HPSE2: variants seen among roughly 807,000 people sequenced by gnomAD.
HPSE2 encodes inactive heparanase-2.
Under a neutral mutation model 60.5 loss-of-function variants are expected in HPSE2, and 38 were observed. The observed-to-expected ratio is 0.63, with a 90% CI of 0.48 to 0.82. The LOEUF (loss-of-function observed/expected upper bound fraction) is 0.82. HPSE2 is among the 40% of genes least tolerant of loss of function. HPSE2 has a pLI of 0.00. For missense variants in HPSE2, 713 were observed against 740.4 expected, an observed-to-expected ratio of 0.96 and a Z score of 0.43; for synonymous variants, 295 against 293.2, an observed-to-expected ratio of 1.01 and a Z score of -0.06.
At chr10:98,698,049 T>C (rs575074712) in intron 5 of HPSE2, among the ~76,000 whole-genome samples, 1 of 147,244 alleles carries the variant, frequency 6.8e-6, no homozygotes, top group Non-Finnish European at 1.5e-5. Flanking sequence ...TGGGAGACTT[T>C]AACACCCCAC....
intron 3 of HPSE2, among the ~76,000 whole-genome samples, chr10:99,050,733 A>T (rs1957971957): frequency 6.6e-6 from 1 of 152,186 alleles, no homozygotes; most frequent in Non-Finnish European, 1.5e-5. Flanking sequence ...CCTGGAGGTC[A>T]TTAGTATAAA....
intron 6 of HPSE2, among the ~76,000 whole-genome samples, chr10:98,646,923 C>A (rs1339673137): frequency 6.6e-6 from 1 of 152,184 alleles, no homozygotes; most frequent in African/African-American, 2.4e-5. Flanking sequence ...GCTGCATACT[C>A]TTCCAGTTTT....
At chr10:98,679,087 G>A (rs749437613) in intron 6 of HPSE2, among the ~76,000 whole-genome samples, 1 of 152,158 alleles carries the variant, frequency 6.6e-6, no homozygotes, top group Non-Finnish European at 1.5e-5. Flanking sequence ...TATACCTGTG[G>A]TGAGGGAAGT....
At chr10:98,540,875 G>A (rs1428307716) in intron 9 of HPSE2, among the ~76,000 whole-genome samples, 4 of 152,136 alleles carry the variant, frequency 2.6e-5, no homozygotes, top group Non-Finnish European at 5.9e-5. Context: ...GAAATATGAG[G>A]ATAATTAAAT....
intron 3 of HPSE2, among the ~76,000 whole-genome samples, chr10:98,761,374 T>C (rs1023806516): frequency 3.3e-5 from 5 of 152,304 alleles, no homozygotes; most frequent in African/African-American, 1.2e-4. Flanking sequence ...TCTTAATCTC[T>C]ATTTCATTTA....
At chr10:98,983,970 T>G (rs56388618) in intron 3 of HPSE2, among the ~76,000 whole-genome samples, 23,228 of 152,068 alleles carry the variant, frequency 0.15, 2,671 homozygotes, top group African/African-American at 0.31. Context: ...TGCCCAGGCT[T>G]GAGTAGGTAA....
At chr10:99,249,199 A>G in the HPSE2 span, among the ~76,000 whole-genome samples, 1 of 152,212 alleles carries the variant, frequency 6.6e-6, no homozygotes, top group African/African-American at 2.4e-5. Flanking sequence ...CAGCTTGTAC[A>G]GTGTGCCTGG....
chr10:98,531,052 T>A (rs1943116121), intron 9 of HPSE2, among the ~76,000 whole-genome samples: 1 of 152,168 alleles, frequency 6.6e-6, no homozygotes, highest in Non-Finnish European at 1.5e-5. Context: ...GGCACTATAC[T>A]ATGGAAGTTA....
At chr10:98,935,390 T>C (rs1954759312) in intron 3 of HPSE2, among the ~76,000 whole-genome samples, 1 of 143,786 alleles carries the variant, frequency 7.0e-6, no homozygotes, top group South Asian at 2.1e-4. Context: ...TTTTCAGCAT[T>C]TTTGCATTGG....
intron 2 of HPSE2, among the ~76,000 whole-genome samples, chr10:99,146,853 T>C (rs927849065): frequency 6.6e-6 from 1 of 151,692 alleles, no homozygotes; most frequent in Non-Finnish European, 1.5e-5. Context: ...AGAGTGAGAC[T>C]CCATCAAAAA....
chr10:98,990,155 A>G (rs186727100), intron 3 of HPSE2, among the ~76,000 whole-genome samples: 6 of 152,230 alleles, frequency 3.9e-5, no homozygotes, highest in African/African-American at 1.4e-4. Flanking sequence ...CTGCCAACAG[A>G]TGCAGCTTAA....
At chr10:98,559,653 A>C (rs1055138577) in intron 9 of HPSE2, among the ~76,000 whole-genome samples, 4 of 152,142 alleles carry the variant, frequency 2.6e-5, no homozygotes, top group African/African-American at 7.3e-5. Context: ...AGACTGTTCA[A>C]GAGCAGGTGA....
intron 6 of HPSE2, among the ~76,000 whole-genome samples, chr10:98,692,509 C>T (rs1948100910): frequency 6.6e-6 from 1 of 152,190 alleles, no homozygotes; most frequent in Non-Finnish European, 1.5e-5. Context: ...TGGCTCACGC[C>T]TGTAATCCCA....
chr10:98,710,242 T>C (rs895661127), intron 5 of HPSE2, among the ~76,000 whole-genome samples: 2 of 152,158 alleles, frequency 1.3e-5, no homozygotes, highest in Non-Finnish European at 1.5e-5. Context: ...TCTCTCTTTC[T>C]CCCTTTCTCC....
At chr10:99,195,791 A>G (rs1848375703) in intron 2 of HPSE2, among the ~76,000 whole-genome samples, 1 of 152,116 alleles carries the variant, frequency 6.6e-6, no homozygotes. Flanking sequence ...ACCCATAGCA[A>G]TCTACAGATT....
chr10:98,577,011 C>T (rs762620749), intron 9 of HPSE2, among the ~76,000 whole-genome samples: 2 of 151,946 alleles, frequency 1.3e-5, no homozygotes, highest in South Asian at 2.1e-4. Context: ...AAAACCCCTA[C>T]GTTCTATTCT....
At chr10:98,939,185 C>G (rs1438992098) in intron 3 of HPSE2, among the ~76,000 whole-genome samples, 1 of 143,458 alleles carries the variant, frequency 7.0e-6, no homozygotes. Flanking sequence ...AACTAACGAG[C>G]AAAATAACCA....
the HPSE2 span, among the ~76,000 whole-genome samples, chr10:99,277,999 A>C: frequency 8.0e-5 from 12 of 150,900 alleles, no homozygotes; most frequent in African/African-American, 2.9e-4. Context: ...CAGGAGGCTG[A>C]GGCGAGAGAA....
At chr10:98,980,948 TATG>T (rs879345098) in intron 3 of HPSE2, among the ~76,000 whole-genome samples, 7 of 152,098 alleles carry the variant, frequency 4.6e-5, no homozygotes, top group Non-Finnish European at 1.0e-4. Context: ...TAGTCAGGAG[TATG>T]ATAAGATATT....
Sources: allele counts gnomAD v4.1 joint callset (sites outside exome capture counted in the v4.1 genomes callset), GRCh38; gene constraint gnomAD v4.1.1; transcripts MANE v1.5; gene names NCBI Gene and HGNC (gene_info 2026-07-23, HGNC 2026-07-21).